Variants in ZFP2 observed in about 807,000 individuals in gnomAD.
ZFP2 encodes the protein zinc finger protein ZFP2.
In ZFP2, 33 loss-of-function variants were observed where a neutral mutation model predicts 36.1. The ratio of observed to expected loss-of-function variants is 0.92; its 90% confidence interval spans 0.69 to 1.22. The LOEUF is 1.22. Ranked by LOEUF, ZFP2 falls within the 50% of genes most tolerant of loss-of-function variation. The probability of loss-of-function intolerance (pLI) is 0.00; values close to 1 mark genes in which losing one functional copy is unlikely to be tolerated. For synonymous variants in ZFP2, 170 were observed against 178.0 expected (o/e 0.96, Z 0.36); for missense variants, 522 against 551.4 (o/e 0.95, Z 0.53).
intron 1 of ZFP2, among the ~76,000 whole-genome samples, 154 bp downstream of exon 1, chr5:178,896,128 CT>C (rs1397578300): frequency 1.3e-5 from 2 of 152,224 alleles, no homozygotes; most frequent in Admixed American, 6.5e-5. Flanking sequence ...CTCACTGCGC[CT>C]GTGGAGCGCC....
intron 1 of ZFP2, among the ~76,000 whole-genome samples, chr5:178,902,191 A>G (rs940310716): frequency 2.0e-4 from 31 of 152,208 alleles, no homozygotes; most frequent in Admixed American, 1.2e-3. Flanking sequence ...ACATTTTGCC[A>G]TTTTTCTCTT....
chr5:178,930,028 G>A (rs138996603), intron 4 of ZFP2, among the ~76,000 whole-genome samples: 1 of 151,398 alleles, frequency 6.6e-6, no homozygotes, highest in Non-Finnish European at 1.5e-5. Context: ...AGAGTGAGGA[G>A]GGAGGTGTTA....
intron 1 of ZFP2, 30 bp from the exon 2 acceptor site, chr5:178,912,554 T>G (rs1758320105): frequency 1.4e-6 from 1 of 707,626 alleles, no homozygotes; most frequent in Non-Finnish European, 1.7e-6. Flanking sequence ...AGGGTTTGGT[T>G]GGCATAATCC....
intron 4 of ZFP2, among the ~76,000 whole-genome samples, chr5:178,919,614 T>C (rs1396612795): frequency 6.6e-6 from 1 of 152,154 alleles, no homozygotes; most frequent in African/African-American, 2.4e-5. Context: ...CACCAAGTAG[T>C]GTATCAATTT....
Position 178,906,582 on chromosome 5 carries a change from G to C in ZFP2, c.-449-6002G>C, listed in dbSNP as rs565676919. On this transcript the variant is annotated intron_variant, in intron 1 of 4. Transcript: ENST00000361362. The stretch of plus-strand genomic sequence containing the variant: ...TTTATTTATTTTTTTTTGAGACAGA[G>C]TCTCACTCTGTTGCCTAGGCTGGAG... 3.9e-5 allele frequency among the ~76,000 whole-genome samples: 6 copies of C among 151,976 alleles called. No individual in the cohort carries two copies. In the South Asian group the frequency reaches 1.2e-3, roughly 32 times the overall value.
chr5:178,902,620 A>C (rs1019299577), intron 1 of ZFP2, among the ~76,000 whole-genome samples: 1 of 152,216 alleles, frequency 6.6e-6, no homozygotes, highest in African/African-American at 2.4e-5. Flanking sequence ...ATTGTGATTA[A>C]TTAAAATTTG....
rs1176286324 is a variant in ZFP2 at position 178,925,126 on chromosome 5, T to TATATATATATAC, written c.-77-6110_-77-6109insTATATATATACA. Among the ~76,000 whole-genome samples, 97 of 133,572 alleles carry TATATATATATAC rather than the reference T, an allele frequency of 7.3e-4. 4 individuals are homozygous for TATATATATATAC. Among genetic ancestry groups the TATATATATATAC allele is most frequent in the Middle Eastern group, 7.8e-3 (2 of 258 alleles). The allele number at this position is 133,572 out of a possible 152,430, so 87.6% of individuals were successfully genotyped here. A position where few individuals can be genotyped will look rare whatever the true frequency, so the allele number is the denominator to read the frequency against. On this transcript the variant is annotated intron_variant, in intron 4 of 4. Coordinates refer to ENST00000361362, the MANE Select transcript of ZFP2 (RefSeq NM_030613.4). The stretch of plus-strand genomic sequence containing the variant: ...GAATCTTTATATATATATATATATA[T>TATATATATATAC]ACACACACACACACACACACACACA...
In ZFP2 at chr5:178,933,110, GTTCT is replaced by G. The variant is rs1230745611; in HGVS notation, c.*414_*417del. 1 of 173,170 alleles carries G rather than the reference GTTCT, an allele frequency of 5.8e-6. No homozygotes were observed. Among genetic ancestry groups the G allele is most frequent in the East Asian group, 1.9e-4 (1 of 5,362 alleles). The allele number at this position is 173,170 out of a possible 1,614,324, so 10.7% of individuals were successfully genotyped here. A position where few individuals can be genotyped will look rare whatever the true frequency, so the allele number is the denominator to read the frequency against. ...ACTTGCCTACTTCCACCAGGTTATG[GTTCT>G]TTATTTGGTAAATGAATGATTTTGG... On this transcript the variant is annotated 3_prime_UTR_variant, in exon 5 of 5. Coordinates refer to ENST00000361362, the MANE Select transcript of ZFP2 (RefSeq NM_030613.4).
intron 1 of ZFP2, among the ~76,000 whole-genome samples, chr5:178,896,479 C>G (rs1015595930): frequency 1.3e-5 from 2 of 152,304 alleles, no homozygotes; most frequent in East Asian, 3.9e-4. Context: ...AGCATCTGCC[C>G]TTTGTGTAAA....
chr5:178,918,624 G>A (rs928443169), intron 4 of ZFP2, among the ~76,000 whole-genome samples: 2 of 152,170 alleles, frequency 1.3e-5, no homozygotes, highest in South Asian at 2.1e-4. Context: ...ATAAGTTAAC[G>A]AGTGAAGGCA....
intron 1 of ZFP2, 83 bp from the exon 2 acceptor site, chr5:178,912,501 A>G (rs1410427314): frequency 9.1e-6 from 2 of 220,092 alleles, no homozygotes; most frequent in African/African-American, 4.7e-5. Context: ...TCTCAGGCAG[A>G]TCTTTGTCCT....
intron 1 of ZFP2, among the ~76,000 whole-genome samples, chr5:178,904,552 A>G (rs566927986): frequency 2.0e-5 from 3 of 151,158 alleles, no homozygotes; most frequent in Non-Finnish European, 4.4e-5. Flanking sequence ...ATGAGAGTTT[A>G]TATTATAATA....
At chr5:178,896,723 GA>G (rs1757951241) in intron 1 of ZFP2, among the ~76,000 whole-genome samples, 2 of 152,152 alleles carry the variant, frequency 1.3e-5, no homozygotes, top group Non-Finnish European at 2.9e-5. Context: ...TATAAGCATA[GA>G]AACACTTTGT....
intron 1 of ZFP2, among the ~76,000 whole-genome samples, chr5:178,909,256 T>A (rs6600995): frequency 0.032 from 4,842 of 152,244 alleles, 145 homozygotes; most frequent in African/African-American, 0.079. Flanking sequence ...ACTCCCAGGC[T>A]CATAGTTCGA....
chr5:178,927,501 G>GTT lies in ZFP2; in HGVS notation c.-77-3725_-77-3724dup, dbSNP rs11388061. Among the ~76,000 whole-genome samples the GTT allele has an allele frequency of 2.5e-3, 361 of 145,318 alleles. 2 individuals carry two copies. Among genetic ancestry groups the GTT allele is most frequent in the Middle Eastern group, 0.014 (4 of 280 alleles). ...ATTTATTCATTTATTTATTTTTGGG[G>GTT]TTTTTTTTTTTTGAGACGGAGTTTC... On this transcript the variant is annotated intron_variant, in intron 4 of 4. Coordinates refer to ENST00000361362, the MANE Select transcript of ZFP2 (RefSeq NM_030613.4).
At chr5:178,901,698 C>A (rs971308080) in intron 1 of ZFP2, among the ~76,000 whole-genome samples, 1 of 151,930 alleles carries the variant, frequency 6.6e-6, no homozygotes, top group Non-Finnish European at 1.5e-5. Context: ...TTCAACATAC[C>A]TTTTTTGGGG....
At chr5:178,923,435 C>T (rs758181760) in intron 4 of ZFP2, among the ~76,000 whole-genome samples, 3 of 149,668 alleles carry the variant, frequency 2.0e-5, no homozygotes, top group African/African-American at 4.9e-5. Context: ...ATAATATCTT[C>T]GAGGTTCATC....
chr5:178,931,702 A>T lies in ZFP2; in HGVS notation c.389A>T (p.Tyr130Phe). 2 of 1,614,172 alleles carry T rather than the reference A, an allele frequency of 1.2e-6. No homozygotes were observed. Among genetic ancestry groups the T allele is most frequent in the Admixed American group, 1.7e-5 (1 of 60,014 alleles). Residue 130 changes from tyrosine (Y) to phenylalanine (F), a missense_variant, in exon 5 of 5, where the codon TAT becomes TTT. Coordinates refer to ENST00000361362, the MANE Select transcript of ZFP2 (RefSeq NM_030613.4). ...HQRIHTGEKP[Y>F]KCNVCGKHFI... ...AGGATTCATACTGGGGAGAAACCCTATAAGTGTAATGTATGTGGGAAACAC... is the reference window on the plus strand; with the variant it reads ...AGGATTCATACTGGGGAGAAACCCTTTAAGTGTAATGTATGTGGGAAACAC...
intron 1 of ZFP2, among the ~76,000 whole-genome samples, chr5:178,911,596 A>G (rs995088504): frequency 6.6e-6 from 1 of 152,216 alleles, no homozygotes; most frequent in African/African-American, 2.4e-5. Flanking sequence ...CTTCCAGTCA[A>G]CACTAGGCTA....
Sources: gnomAD v4.1 joint callset for allele counts (sites outside exome capture counted in the v4.1 genomes callset) on GRCh38, gnomAD v4.1.1 for gene constraint, MANE v1.5 for transcripts, NCBI Gene and HGNC (gene_info 2026-07-23, HGNC 2026-07-21) for gene names.